Variants in SLIT1 observed in about 807,000 individuals in gnomAD.
The protein encoded by SLIT1 is slit homolog 1 protein.
In SLIT1, 66 loss-of-function variants were observed where a neutral mutation model predicts 186.1. The observed-to-expected ratio is 0.35, with a 90% CI of 0.29 to 0.44. SLIT1 has a LOEUF of 0.44. Among genes scored for constraint, SLIT1 ranks in the 20% least tolerant of loss-of-function variants. The pLI is 1.00. For synonymous variants in SLIT1, 761 were observed against 833.8 expected (o/e 0.91, Z 1.50); for missense variants, 1,638 against 2,037.4 (o/e 0.80, Z 3.77).
intron 4 of SLIT1, among the ~76,000 whole-genome samples, chr10:97,099,271 G>A (rs1472514247): frequency 6.6e-6 from 1 of 152,074 alleles, no homozygotes; most frequent in Admixed American, 6.5e-5. Flanking sequence ...GTCACAGGAG[G>A]GCCTGAGATC....
chr10:97,030,564 T>A (rs1848582110), intron 25 of SLIT1, among the ~76,000 whole-genome samples, 193 bp downstream of exon 25: 1 of 152,218 alleles, frequency 6.6e-6, no homozygotes, highest in Admixed American at 6.5e-5. Flanking sequence ...GAGGAACTGT[T>A]CTTCTACTCT....
chr10:97,038,128 C>A (rs964075031), intron 21 of SLIT1, among the ~76,000 whole-genome samples: 2 of 152,092 alleles, frequency 1.3e-5, no homozygotes, highest in Non-Finnish European at 2.9e-5. Context: ...TGCACGTTAC[C>A]GGGCCCTGCC....
chr10:97,016,003 G>A (rs1306342481), intron 28 of SLIT1, among the ~76,000 whole-genome samples: 1 of 152,188 alleles, frequency 6.6e-6, no homozygotes, highest in African/African-American at 2.4e-5. Flanking sequence ...ACTTGTTCGT[G>A]TCATTTTAAA....
chr10:97,177,110 A>T (rs1219568928), intron 1 of SLIT1, among the ~76,000 whole-genome samples: 3 of 152,030 alleles, frequency 2.0e-5, no homozygotes, highest in Non-Finnish European at 4.4e-5. Context: ...CTCCCAGGAG[A>T]TCCTTATTCC....
rs1444426458 is a variant in SLIT1 at position 97,006,438 on chromosome 10, C to T, written c.3579+45G>A. 2.8e-6 allele frequency: 4 copies of T among 1,420,726 alleles called. No individual in the cohort carries two copies. Among genetic ancestry groups the T allele is most frequent in the Non-Finnish European group, 2.0e-6 (2 of 1,007,122 alleles). The allele number at this position is 1,420,726 out of a possible 1,614,324, so 88.0% of individuals were successfully genotyped here. On this transcript the variant is annotated intron_variant, in intron 32 of 36. Coordinates refer to ENST00000266058, the MANE Select transcript of SLIT1 (RefSeq NM_003061.3). This position sits in a 1 kb window ranked among gnomAD's most constrained non-coding sequence, Gnocchi z 4.0. ...GATGCTCTGGCCTAAGCCAGGGTCG[C>T]CTGCTCCCTGACTCCCCTCTGTGAC...
intron 4 of SLIT1, among the ~76,000 whole-genome samples, chr10:97,105,617 T>C (rs1008739103): frequency 6.6e-6 from 1 of 152,224 alleles, no homozygotes; most frequent in Non-Finnish European, 1.5e-5. Context: ...GCAGAAGAGA[T>C]GGCAGATCAA....
chr10:97,041,072 C>A (rs1318074670), intron 20 of SLIT1, among the ~76,000 whole-genome samples: 1 of 152,208 alleles, frequency 6.6e-6, no homozygotes, highest in Non-Finnish European at 1.5e-5. Context: ...GAGCAAGCAG[C>A]CTGCCTCCAG....
At chr10:97,079,300 G>C (rs1379741856) in intron 4 of SLIT1, among the ~76,000 whole-genome samples, 1 of 152,150 alleles carries the variant, frequency 6.6e-6, no homozygotes, top group Non-Finnish European at 1.5e-5. Context: ...GCTGGAAGGA[G>C]GTACAGGAGG....
chr10:97,109,215 A>G (rs1337479708), intron 4 of SLIT1, among the ~76,000 whole-genome samples: 2 of 151,936 alleles, frequency 1.3e-5, no homozygotes, highest in African/African-American at 4.8e-5. Flanking sequence ...AAAAAAGCCA[A>G]CCTCACAGAG....
rs138668782 is a variant in SLIT1 at position 97,174,370 on chromosome 10, C to T, written c.198-9480G>A. ...GGCTGCTGGCATACCATACTCAAGGCCTTGCACGCACTCCCGTCAGCCAGC... is the reference window on the plus strand; with the variant it reads ...GGCTGCTGGCATACCATACTCAAGGTCTTGCACGCACTCCCGTCAGCCAGC... On this transcript the variant is annotated intron_variant, in intron 1 of 36. Coordinates refer to ENST00000266058, the MANE Select transcript of SLIT1 (RefSeq NM_003061.3). 3.4e-3 allele frequency among the ~76,000 whole-genome samples: 516 copies of T among 152,322 alleles called. 1 individual carries two copies. The highest frequency in any genetic ancestry group is 0.012 in the African/African-American group (487 of 41,576).
At position 97,059,976 on chromosome 10, in the gene SLIT1, G is replaced by C. The variant is rs546076403; in HGVS notation, c.1013+111C>G. On this transcript the variant is annotated intron_variant, in intron 10 of 36. Coordinates refer to ENST00000266058, the MANE Select transcript of SLIT1 (RefSeq NM_003061.3). ...GCAGGAAGGTCAGGTGGCTGGCCAA[G>C]GCCACTCAGCTGTGGGGGGCTGAGT... The C allele has an allele frequency of 2.4e-5, 22 of 935,958 alleles. No individual in the cohort carries two copies. The African/African-American group carries it at 2.7e-4, about 12-fold the overall frequency. 58.0% of individuals were successfully genotyped at this position (935,958 alleles called of 1,614,324 possible). A position where few individuals can be genotyped will look rare whatever the true frequency, so the allele number is the denominator to read the frequency against.
intron 2 of SLIT1, 45 bp downstream of exon 2, chr10:97,164,774 G>A (rs759211810): frequency 3.4e-5 from 49 of 1,427,848 alleles, no homozygotes; most frequent in East Asian, 1.4e-4. Flanking sequence ...CAGGACTGCC[G>A]TGGCATTGCC....
intron 23 of SLIT1, among the ~76,000 whole-genome samples, chr10:97,033,018 A>T: frequency 6.6e-6 from 1 of 151,456 alleles, no homozygotes; most frequent in South Asian, 2.1e-4. Context: ...GGAGCAGGGG[A>T]TTATCAAGAA....
At chr10:97,083,660 T>C (rs1288084141) in intron 4 of SLIT1, among the ~76,000 whole-genome samples, 1 of 152,160 alleles carries the variant, frequency 6.6e-6, no homozygotes, top group African/African-American at 2.4e-5. Context: ...GCAGAGAGTG[T>C]GGAATGTCAG....
Position 97,034,022 on chromosome 10 carries a change from G to A in SLIT1, c.2438+449C>T, listed in dbSNP as rs544100621. 1.0e-3 allele frequency among the ~76,000 whole-genome samples: 157 copies of A among 152,172 alleles called. 1 individual carries two copies. The highest frequency in any genetic ancestry group is 3.9e-4 in the Admixed American group (6 of 15,290). Reference sequence around the variant, plus strand: ...TGGGACTACAGGCACCCGCCACCCAGCCCGATTAATTTTTGTATTTTTGGT... The same window carrying A: ...TGGGACTACAGGCACCCGCCACCCAACCCGATTAATTTTTGTATTTTTGGT... On this transcript the variant is annotated intron_variant, in intron 23 of 36. Coordinates refer to ENST00000266058, the MANE Select transcript of SLIT1 (RefSeq NM_003061.3).
chr10:97,012,755 C>T (rs1848422888), intron 30 of SLIT1, among the ~76,000 whole-genome samples: 2 of 152,330 alleles, frequency 1.3e-5, no homozygotes, highest in Middle Eastern at 3.4e-3. Flanking sequence ...TGGGCTCTTG[C>T]TTCCTGTCAT....
chr10:97,175,089 T>C (rs1381258458), intron 1 of SLIT1, among the ~76,000 whole-genome samples: 2 of 152,188 alleles, frequency 1.3e-5, no homozygotes, highest in Non-Finnish European at 2.9e-5. Context: ...TCTTCTACCT[T>C]CTGTCTCTGA....
intron 1 of SLIT1, among the ~76,000 whole-genome samples, chr10:97,180,079 C>G (rs779210067): frequency 9.9e-5 from 15 of 152,198 alleles, no homozygotes; most frequent in Non-Finnish European, 1.2e-4. Flanking sequence ...CGACAGCCCG[C>G]CCCGCCCAAG....
chr10:97,178,096 G>C (rs897997312), intron 1 of SLIT1, among the ~76,000 whole-genome samples: 22 of 152,138 alleles, frequency 1.4e-4, no homozygotes, highest in African/African-American at 5.3e-4. Flanking sequence ...ATCAATGAAT[G>C]CTAAAACTCG....
Sources: gnomAD v4.1 joint callset for allele counts (sites outside exome capture counted in the v4.1 genomes callset) on GRCh38, gnomAD v4.1.1 for gene constraint, Gnocchi (gnomAD v3.1) non-coding constraint, MANE v1.5 for transcripts, NCBI Gene and HGNC (gene_info 2026-07-23, HGNC 2026-07-21) for gene names.